Variants in ZBTB16 observed in about 807,000 individuals in gnomAD.
ZBTB16 encodes zinc finger and BTB domain-containing protein 16.
A neutral mutation model predicts 56.8 loss-of-function variants in ZBTB16; 8 were observed. That is an observed-to-expected ratio of 0.14 (90% CI 0.08 to 0.25). ZBTB16 has a LOEUF of 0.25. Ranked by LOEUF, ZBTB16 falls within the 10% of genes least tolerant of loss-of-function variation. ZBTB16 has a pLI of 1.00. For missense variants in ZBTB16, 625 were observed against 903.0 expected, an observed-to-expected ratio of 0.69 and a Z score of 3.95; for synonymous variants, 363 against 368.5, an observed-to-expected ratio of 0.98 and a Z score of 0.17.
intron 4 of ZBTB16, among the ~76,000 whole-genome samples, chr11:114,207,969 G>A (rs777580196): frequency 2.0e-4 from 30 of 152,274 alleles, no homozygotes; most frequent in Admixed American, 1.4e-3. Context: ...GGCTTGTCCC[G>A]AACTCCTGAC....
At chr11:114,142,163 C>A (rs764071373) in intron 2 of ZBTB16, among the ~76,000 whole-genome samples, 91 of 152,140 alleles carry the variant, frequency 6.0e-4, no homozygotes, top group South Asian at 8.3e-4. Context: ...GTTGTCTTTG[C>A]CTATATTCAG....
intron 2 of ZBTB16, among the ~76,000 whole-genome samples, chr11:114,100,445 C>A (rs1039457057): frequency 6.6e-6 from 1 of 152,132 alleles, no homozygotes; most frequent in Non-Finnish European, 1.5e-5. Flanking sequence ...CCTCTATGCC[C>A]CCTACTCCCC....
intron 5 of ZBTB16, among the ~76,000 whole-genome samples, chr11:114,245,625 T>C (rs1186030417): frequency 6.6e-6 from 1 of 151,816 alleles, no homozygotes; most frequent in Non-Finnish European, 1.5e-5. Flanking sequence ...AAAAAGGAAG[T>C]GAAGGCACAG....
rs2137653908 is a variant in ZBTB16, at chr11:114,064,059, C to T, written c.759C>T (p.Ser253=). ...TGATGCAGGTGGATGAGGTGCCCAG[C>T]CAGGACAGCCCTGGGGCAGCCGAGT... The part of the protein sequence containing the change: ...TEMMQVDEVP[S]QDSPGAAESS... Residue 253 remains serine, a synonymous_variant, in exon 2 of 7, where the codon AGC becomes AGT. Coordinates refer to ENST00000335953, the MANE Select transcript of ZBTB16 (RefSeq NM_006006.6). The surrounding 1 kb of genome is among the most constrained non-coding windows in gnomAD (Gnocchi z 4.2). 1.2e-6 allele frequency: 2 copies of T among 1,613,498 alleles called. No homozygotes were observed. Among genetic ancestry groups the T allele is most frequent in the Non-Finnish European group, 1.7e-6 (2 of 1,179,792 alleles).
At chr11:114,080,007 GAAAAC>G (rs922534517) in intron 2 of ZBTB16, among the ~76,000 whole-genome samples, 6 of 152,142 alleles carry the variant, frequency 3.9e-5, no homozygotes, top group Non-Finnish European at 8.8e-5. Context: ...GAACAGAAAA[GAAAAC>G]AAAACAAAAC....
intron 4 of ZBTB16, among the ~76,000 whole-genome samples, chr11:114,235,745 TTTCCTTCCTTCCTTCCTTCCTTCG>T (rs1565701914): frequency 9.4e-5 from 14 of 149,722 alleles, no homozygotes; most frequent in African/African-American, 3.2e-4. Context: ...TTTTCTTTTC[TTTCCTTCCTTCCTTCCTTCCTTCG>T]TTCCTTCCTT....
intron 4 of ZBTB16, among the ~76,000 whole-genome samples, chr11:114,238,554 C>T (rs141893243): frequency 6.6e-6 from 1 of 152,102 alleles, no homozygotes; most frequent in East Asian, 1.9e-4. Context: ...TTTTAATTAC[C>T]TAATTATCTC....
intron 2 of ZBTB16, among the ~76,000 whole-genome samples, chr11:114,137,004 T>C (rs1941814191): frequency 6.6e-6 from 1 of 152,152 alleles, no homozygotes; most frequent in Admixed American, 6.5e-5. Context: ...TTTAAAAATA[T>C]TCTGGGAGAT....
chr11:114,133,330 A>T (rs534521472), intron 2 of ZBTB16, among the ~76,000 whole-genome samples: 1 of 152,106 alleles, frequency 6.6e-6, no homozygotes, highest in Non-Finnish European at 1.5e-5. Context: ...GGTCAGCCCC[A>T]GCAGGGCCTG....
intron 2 of ZBTB16, among the ~76,000 whole-genome samples, chr11:114,142,132 G>A (rs1386916330): frequency 6.6e-6 from 1 of 152,220 alleles, no homozygotes; most frequent in Non-Finnish European, 1.5e-5. Context: ...TGTTGTCTTT[G>A]TGGCAGATGC....
rs116889873 is a variant in ZBTB16, at chr11:114,209,462, C to T, written c.1453+22424C>T. On this transcript the variant is annotated intron_variant, in intron 4 of 6. Coordinates refer to ENST00000335953, the MANE Select transcript of ZBTB16 (RefSeq NM_006006.6). The stretch of plus-strand genomic sequence containing the variant: ...GCCTGGATTCAGAGCCTTCACATTC[C>T]GGAGATCCCCAGAGGCCCCTCTCCC... 9.9e-4 allele frequency: 976 copies of T among 985,292 alleles called. 18 individuals are homozygous for T. In the East Asian group the frequency reaches 0.05, roughly 50 times the overall value. 61.0% of individuals were successfully genotyped at this position (985,292 alleles called of 1,614,324 possible). A position where few individuals can be genotyped will look rare whatever the true frequency, so the allele number is the denominator to read the frequency against.
intron 2 of ZBTB16, among the ~76,000 whole-genome samples, chr11:114,127,669 G>A (rs1941546586): frequency 6.6e-6 from 1 of 152,172 alleles, no homozygotes; most frequent in South Asian, 2.1e-4. Context: ...GATCAGAAAG[G>A]GGACCTCAGA....
intron 2 of ZBTB16, among the ~76,000 whole-genome samples, chr11:114,092,450 C>G (rs564874810): frequency 1.3e-5 from 2 of 152,312 alleles, no homozygotes; most frequent in Admixed American, 6.5e-5. Flanking sequence ...AGTGATTCCT[C>G]TCTTCTTGTG....
At chr11:114,243,617 A>C (rs1944756943) in intron 5 of ZBTB16, among the ~76,000 whole-genome samples, 1 of 152,238 alleles carries the variant, frequency 6.6e-6, no homozygotes, top group Admixed American at 6.5e-5. Context: ...AGGGCCCAGG[A>C]GAGTGGGATG....
intron 2 of ZBTB16, among the ~76,000 whole-genome samples, chr11:114,141,097 C>T (rs1490451406): frequency 6.6e-6 from 1 of 152,212 alleles, no homozygotes; most frequent in Non-Finnish European, 1.5e-5. Flanking sequence ...TCACCACCTG[C>T]CCACTGTGGA....
chr11:114,228,771 T>G (rs1365858470), intron 4 of ZBTB16, among the ~76,000 whole-genome samples: 1 of 152,220 alleles, frequency 6.6e-6, no homozygotes, highest in Non-Finnish European at 1.5e-5. Flanking sequence ...CCCCTAGAAG[T>G]GTGCCTTCTG....
intron 3 of ZBTB16, among the ~76,000 whole-genome samples, chr11:114,165,616 G>A (rs941864139): frequency 5.3e-5 from 8 of 152,190 alleles, no homozygotes; most frequent in African/African-American, 1.4e-4. Flanking sequence ...TCAGTTTTGG[G>A]TGCTGTCTCT....
chr11:114,148,393 T>TCCCTCCCTCCC (rs1942174629), intron 2 of ZBTB16, among the ~76,000 whole-genome samples: 1 of 27,418 alleles, frequency 3.6e-5, no homozygotes, highest in East Asian at 9.0e-4. Flanking sequence ...TCCTTCCTCC[T>TCCCTCCCTCCC]TCCCTCCCTC....
intron 3 of ZBTB16, among the ~76,000 whole-genome samples, chr11:114,181,819 T>G (rs1331588814): frequency 6.6e-6 from 1 of 152,158 alleles, no homozygotes; most frequent in Non-Finnish European, 1.5e-5. Flanking sequence ...TTTAATTTCT[T>G]TCCCGCAATC....
Sources: gnomAD v4.1 joint callset for allele counts (sites outside exome capture counted in the v4.1 genomes callset) on GRCh38, gnomAD v4.1.1 for gene constraint, Gnocchi (gnomAD v3.1) non-coding constraint, MANE v1.5 for transcripts, NCBI Gene and HGNC (gene_info 2026-07-23, HGNC 2026-07-21) for gene names.